Variants in SPACDR observed in about 807,000 individuals in gnomAD.
The protein encoded by SPACDR is sperm acrosome developmental regulator.
chr7:100,459,624 T>C, the SPACDR span, among the ~76,000 whole-genome samples: 1 of 151,768 alleles, frequency 6.6e-6, no homozygotes, highest in Non-Finnish European at 1.5e-5. Flanking sequence ...TTTATTTATT[T>C]GTGTGTTTGT....
chr7:100,462,925 G>A, the SPACDR span, among the ~76,000 whole-genome samples: 2 of 149,514 alleles, frequency 1.3e-5, no homozygotes, highest in Admixed American at 6.6e-5. Context: ...GCTTGGCCTC[G>A]TGGTGAAACC....
At chr7:100,463,673 C>T in the SPACDR span, 1 of 1,613,726 alleles carries the variant, frequency 6.2e-7, no homozygotes, top group East Asian at 2.2e-5. Flanking sequence ...AATTTTTTGC[C>T]TCCAGAAGAA....
the SPACDR span, chr7:100,463,677 A>C: frequency 3.0e-5 from 49 of 1,613,756 alleles, no homozygotes; most frequent in Non-Finnish European, 4.2e-5. Context: ...TTTTGCCTCC[A>C]GAAGAAAACC....
At chr7:100,456,909 A>G in the SPACDR span, 2 of 1,613,782 alleles carry the variant, frequency 1.2e-6, no homozygotes, top group South Asian at 1.1e-5. Context: ...CACCTCCCAC[A>G]GCAACTCAGC....
the SPACDR span, among the ~76,000 whole-genome samples, chr7:100,459,450 GA>G: frequency 1.3e-5 from 2 of 151,596 alleles, no homozygotes; most frequent in African/African-American, 4.8e-5. Context: ...ACCATGCCCA[GA>G]TAATTTTTTT....
chr7:100,457,970 G>A, the SPACDR span, among the ~76,000 whole-genome samples: 12 of 150,592 alleles, frequency 8.0e-5, no homozygotes, highest in Admixed American at 8.0e-4. Flanking sequence ...GGCGTGAGTC[G>A]CCACGCTCGG....
chr7:100,462,910 G>A, the SPACDR span, among the ~76,000 whole-genome samples: 1 of 149,408 alleles, frequency 6.7e-6, no homozygotes, highest in Admixed American at 6.6e-5. Context: ...AGGAGTTCGA[G>A]ACCAGCTTGG....
the SPACDR span, chr7:100,464,092 T>TGGGGGAGGGGGGG: frequency 7.8e-6 from 1 of 127,752 alleles, no homozygotes; most frequent in Non-Finnish European, 1.2e-5. Flanking sequence ...GGGTGGCGGG[T>TGGGGGAGGGGGGG]GGGGGATGGG....
chr7:100,463,639 A>G, the SPACDR span: 1 of 1,613,932 alleles, frequency 6.2e-7, no homozygotes, highest in Non-Finnish European at 8.5e-7. Context: ...TCTTGGAGTC[A>G]GGGTGTCCTG....
the SPACDR span, among the ~76,000 whole-genome samples, chr7:100,461,431 C>T: frequency 6.6e-6 from 1 of 151,942 alleles, no homozygotes; most frequent in Non-Finnish European, 1.5e-5. Context: ...TGTGAGCCAC[C>T]GATTCCTGGC....
chr7:100,457,362 A>C, the SPACDR span, among the ~76,000 whole-genome samples: 1 of 151,750 alleles, frequency 6.6e-6, no homozygotes, highest in Non-Finnish European at 1.5e-5. Context: ...TCTATCACCC[A>C]GGCTGGAGTA....
At chr7:100,458,358 A>C in the SPACDR span, among the ~76,000 whole-genome samples, 1 of 152,064 alleles carries the variant, frequency 6.6e-6, no homozygotes, top group Non-Finnish European at 1.5e-5. Flanking sequence ...AACAAAACAA[A>C]ACAGAAAGCT....
the SPACDR span, chr7:100,464,252 C>T: frequency 5.9e-5 from 84 of 1,416,412 alleles, no homozygotes; most frequent in African/African-American, 1.2e-3. Context: ...GGAGAGGAGT[C>T]GAAGTAGGTG....
chr7:100,464,051 G>A, the SPACDR span: 1 of 1,191,306 alleles, frequency 8.4e-7, no homozygotes, highest in Non-Finnish European at 1.1e-6. Flanking sequence ...AAACACAGAA[G>A]AAAGGGCAGA....
At chr7:100,463,938 G>A in the SPACDR span, 4 of 1,600,512 alleles carry the variant, frequency 2.5e-6, no homozygotes, top group Middle Eastern at 1.6e-4. Flanking sequence ...CGCATCATGA[G>A]GACAGAGTGG....
the SPACDR span, among the ~76,000 whole-genome samples, chr7:100,460,660 CT>C: frequency 1.2e-3 from 166 of 143,872 alleles, no homozygotes; most frequent in Middle Eastern, 3.6e-3. Flanking sequence ...ATCTATTTTC[CT>C]TTTTTTTTTT....
chr7:100,461,543 G>C, the SPACDR span, among the ~76,000 whole-genome samples: 1 of 151,956 alleles, frequency 6.6e-6, no homozygotes, highest in Non-Finnish European at 1.5e-5. Flanking sequence ...CTCCCAAAGT[G>C]TTGGGATTAC....
the SPACDR span, chr7:100,463,737 GACA>G: frequency 6.7e-7 from 1 of 1,493,268 alleles, no homozygotes; most frequent in Admixed American, 1.7e-5. Context: ...GCAGGGCAGA[GACA>G]ACACCATCCA....
chr7:100,463,312 G>T, the SPACDR span: 1 of 1,401,616 alleles, frequency 7.1e-7, no homozygotes. Flanking sequence ...AGGGAGGGGT[G>T]AGTCACTGGG....
Sources: gnomAD v4.1 joint callset for allele counts (sites outside exome capture counted in the v4.1 genomes callset) on GRCh38, gnomAD v4.1.1 for gene constraint, MANE v1.5 for transcripts, NCBI Gene and HGNC (gene_info 2026-07-23, HGNC 2026-07-21) for gene names.